Variants in IQCK observed in about 807,000 individuals in gnomAD.
IQCK encodes IQ domain-containing protein K.
A neutral mutation model predicts 28.1 loss-of-function variants in IQCK; 29 were observed. The ratio of observed to expected loss-of-function variants is 1.03; its 90% CI spans 0.77 to 1.41. The LOEUF (loss-of-function observed/expected upper bound fraction) is 1.41. Ranked by LOEUF, IQCK falls within the 40% of genes most tolerant of loss-of-function variation. IQCK has a pLI of 0.00. For missense variants in IQCK, 359 were observed against 314.7 expected (o/e 1.14, Z -1.07); for synonymous variants, 113 against 115.1 (o/e 0.98, Z 0.12).
At chr16:19,759,209 A>AATT (rs771544885) in intron 4 of IQCK, among the ~76,000 whole-genome samples, 25 of 151,926 alleles carry the variant, frequency 1.6e-4, no homozygotes, top group Admixed American at 8.5e-4. Flanking sequence ...TTTTAAAATT[A>AATT]ATTATTATTA....
chr16:19,733,710 G>A (rs201172782), exon 3 of IQCK: 6 of 1,614,022 alleles, frequency 3.7e-6, no homozygotes, highest in African/African-American at 1.3e-5. Flanking sequence ...TGCGCCAGTA[G>A]AGGAAATGCT....
At chr16:19,720,719 T>TA (rs1371932069) in intron 1 of IQCK, among the ~76,000 whole-genome samples, 2 of 152,172 alleles carry the variant, frequency 1.3e-5, no homozygotes, top group Admixed American at 6.6e-5. Context: ...TTTAAAATGA[T>TA]AGAGTTACAG....
chr16:19,748,070 T>C (rs1442895920), intron 4 of IQCK, among the ~76,000 whole-genome samples: 1 of 130,404 alleles, frequency 7.7e-6, no homozygotes, highest in Non-Finnish European at 1.6e-5. Flanking sequence ...TGGGCTCAAA[T>C]TCTTTTTTTT....
chr16:19,834,993 G>A (rs972888936), intron 9 of IQCK, among the ~76,000 whole-genome samples: 1 of 152,182 alleles, frequency 6.6e-6, no homozygotes, highest in East Asian at 1.9e-4. Context: ...AGCCAGGTGC[G>A]GTGGCTCATG....
chr16:19,838,440 C>T (rs1033310140), intron 9 of IQCK, among the ~76,000 whole-genome samples: 3 of 152,114 alleles, frequency 2.0e-5, no homozygotes, highest in Admixed American at 6.6e-5. Flanking sequence ...AGCACATATT[C>T]TGGAAGGAGG....
intron 9 of IQCK, among the ~76,000 whole-genome samples, chr16:19,850,294 A>G (rs2056466931): frequency 6.6e-6 from 1 of 152,200 alleles, no homozygotes; most frequent in African/African-American, 2.4e-5. Flanking sequence ...GACAGCTCAC[A>G]GCGTAACCTT....
At chr16:19,840,572 T>C (rs1407066052) in intron 9 of IQCK, among the ~76,000 whole-genome samples, 1 of 152,228 alleles carries the variant, frequency 6.6e-6, no homozygotes, top group Non-Finnish European at 1.5e-5. Context: ...TTACATTCAT[T>C]GTGCACTTAC....
At chr16:19,844,131 G>A (rs1452770829) in intron 9 of IQCK, among the ~76,000 whole-genome samples, 1 of 150,500 alleles carries the variant, frequency 6.6e-6, no homozygotes, top group African/African-American at 2.5e-5. Flanking sequence ...CCAGGCTGGA[G>A]TGCAGTGGCA....
intron 7 of IQCK, among the ~76,000 whole-genome samples, chr16:19,815,810 CAA>C (rs2055980990): frequency 6.6e-6 from 1 of 152,166 alleles, no homozygotes; most frequent in Non-Finnish European, 1.5e-5. Context: ...AAGTTGAATT[CAA>C]GAGAGTTATG....
intron 9 of IQCK, among the ~76,000 whole-genome samples, chr16:19,845,981 TG>T (rs1383783872): frequency 5.9e-5 from 9 of 151,886 alleles, no homozygotes; most frequent in African/African-American, 1.2e-4. Context: ...GAGGCTGAGG[TG>T]GGGGGGATCA....
intron 6 of IQCK, among the ~76,000 whole-genome samples, chr16:19,782,501 A>G (rs2055501553): frequency 6.6e-6 from 1 of 151,854 alleles, no homozygotes; most frequent in Admixed American, 6.6e-5. Flanking sequence ...GGTGGTGTGT[A>G]CCTGTAATCT....
At chr16:19,820,123 T>G (rs1182684698) in intron 7 of IQCK, among the ~76,000 whole-genome samples, 1 of 152,148 alleles carries the variant, frequency 6.6e-6, no homozygotes, top group Non-Finnish European at 1.5e-5. Flanking sequence ...TACCCAACTC[T>G]TAGAAGAAAA....
intron 9 of IQCK, among the ~76,000 whole-genome samples, chr16:19,836,652 T>C (rs145188248): frequency 6.6e-6 from 1 of 152,312 alleles, no homozygotes; most frequent in East Asian, 1.9e-4. Context: ...TAGCTGGGAC[T>C]ACAGGCGCAC....
In IQCK at chr16:19,774,398, C is replaced by CTTTTT. The variant is rs1167894201; in HGVS notation, c.605+10309_605+10313dup. On this transcript the variant is annotated intron_variant, in intron 6 of 7. Transcript: ENST00000564186. The stretch of plus-strand genomic sequence containing the variant: ...AAGGGAATTATTTATTTAGCTAATA[C>CTTTTT]TTTTTTTTTTTTTTTTTTTTTTTTT... 2.0e-3 allele frequency among the ~76,000 whole-genome samples: 208 copies of CTTTTT among 104,094 alleles called. 23 individuals carry two copies. Among genetic ancestry groups the CTTTTT allele is most frequent in the African/African-American group, 6.8e-3 (184 of 27,130 alleles). The allele number at this position is 104,094 out of a possible 152,430, so 68.3% of individuals were successfully genotyped here.
At chr16:19,803,075 C>T (rs755335938) in intron 7 of IQCK, among the ~76,000 whole-genome samples, 5 of 152,132 alleles carry the variant, frequency 3.3e-5, no homozygotes, top group Non-Finnish European at 7.4e-5. Context: ...TCTTGTTCAA[C>T]TGGTCACAGT....
chr16:19,819,216 GGT>G (rs2056030890), intron 7 of IQCK, among the ~76,000 whole-genome samples: 1 of 152,128 alleles, frequency 6.6e-6, no homozygotes, highest in Non-Finnish European at 1.5e-5. Flanking sequence ...CAGGGGGCTG[GGT>G]GTGTTGTCTC....
chr16:19,735,958 C>T (rs1978000639), intron 4 of IQCK, among the ~76,000 whole-genome samples: 1 of 151,846 alleles, frequency 6.6e-6, no homozygotes, highest in Non-Finnish European at 1.5e-5. Flanking sequence ...CTCAGCTACT[C>T]AAGAGGCTGA....
downstream of IQCK, chr16:19,827,318 T>C (rs1027346551): frequency 6.7e-6 from 4 of 593,538 alleles, no homozygotes; most frequent in Non-Finnish European, 1.2e-5. Context: ...TGATGTGATA[T>C]AATTTACAGG....
intron 9 of IQCK, among the ~76,000 whole-genome samples, chr16:19,839,002 G>C (rs1259461311): frequency 2.8e-5 from 3 of 108,892 alleles, no homozygotes; most frequent in African/African-American, 3.6e-5. Flanking sequence ...CTGGGCCACA[G>C]AGTGAGACTC....
Sources: allele counts gnomAD v4.1 joint callset (sites outside exome capture counted in the v4.1 genomes callset), GRCh38; gene constraint gnomAD v4.1.1; transcripts MANE v1.5; gene names NCBI Gene and HGNC (gene_info 2026-07-23, HGNC 2026-07-21).